Variants in GRID2 observed in about 807,000 individuals in gnomAD.
The protein encoded by GRID2 is glutamate ionotropic receptor delta type subunit 2, also known as glutamate receptor ionotropic, delta-2.
Under a neutral mutation model 114.8 loss-of-function variants are expected in GRID2, and 33 were observed. That is an observed-to-expected ratio of 0.29 (90% confidence interval 0.22 to 0.38). The LOEUF is 0.38. Ranked by LOEUF, GRID2 falls within the 10% of genes least tolerant of loss-of-function variation. The pLI, the probability that GRID2 is intolerant of heterozygous loss-of-function variation, is 1.00. For synonymous variants in GRID2, 505 were observed against 449.9 expected (o/e 1.12, Z -1.55); for missense variants, 1,184 against 1,257.7 (o/e 0.94, Z 0.89).
At chr4:93,313,371 A>G (rs1256178465) in intron 8 of GRID2, among the ~76,000 whole-genome samples, 1 of 152,192 alleles carries the variant, frequency 6.6e-6, no homozygotes, top group Non-Finnish European at 1.5e-5. Flanking sequence ...TTCCCTCTTC[A>G]CAGCAGTCTG....
At chr4:93,744,044 G>A (rs1490206947) in intron 14 of GRID2, among the ~76,000 whole-genome samples, 1 of 152,194 alleles carries the variant, frequency 6.6e-6, no homozygotes, top group East Asian at 1.9e-4. Flanking sequence ...AAGCCTGGGT[G>A]ACAGCACATC....
intron 4 of GRID2, among the ~76,000 whole-genome samples, chr4:93,139,185 AC>A (rs1162051582): frequency 1.3e-5 from 2 of 152,214 alleles, no homozygotes; most frequent in African/African-American, 4.8e-5. Flanking sequence ...CTAGGTTAAC[AC>A]AAAAAGTAAG....
chr4:93,511,557 A>T (rs989151625), intron 12 of GRID2, among the ~76,000 whole-genome samples: 4 of 152,164 alleles, frequency 2.6e-5, no homozygotes, highest in Non-Finnish European at 5.9e-5. Context: ...TCCACCACTT[A>T]GAGCTATAGA....
At chr4:93,401,215 A>ATT (rs111837613) in intron 9 of GRID2, among the ~76,000 whole-genome samples, 2 of 151,690 alleles carry the variant, frequency 1.3e-5, no homozygotes, top group African/African-American at 4.9e-5. Flanking sequence ...ACAATAGAGC[A>ATT]TTTTTTTGCC....
At chr4:93,132,571 G>A (rs1446170486) in intron 4 of GRID2, among the ~76,000 whole-genome samples, 1 of 152,128 alleles carries the variant, frequency 6.6e-6, no homozygotes, top group African/African-American at 2.4e-5. Context: ...GGATGGAATT[G>A]GCTTACCTGA....
chr4:93,253,181 G>A (rs968856224), intron 8 of GRID2, among the ~76,000 whole-genome samples: 3 of 151,806 alleles, frequency 2.0e-5, no homozygotes, highest in Non-Finnish European at 4.4e-5. Flanking sequence ...GCGTGAACCC[G>A]GGAGGTGGAG....
chr4:92,385,766 G>A (rs1173901319), intron 1 of GRID2, among the ~76,000 whole-genome samples: 1 of 151,124 alleles, frequency 6.6e-6, no homozygotes, highest in African/African-American at 2.4e-5. Context: ...ATATACCTTT[G>A]TAGTTCTACT....
At chr4:92,816,318 CAAAAAAAAAAA>C (rs764487348) in intron 2 of GRID2, among the ~76,000 whole-genome samples, 2 of 48,252 alleles carry the variant, frequency 4.1e-5, no homozygotes, top group East Asian at 1.4e-3. Context: ...TCTGTCTCAC[CAAAAAAAAAAA>C]AAAAAAAAAA....
At chr4:92,645,540 A>C (rs1022734774) in intron 2 of GRID2, among the ~76,000 whole-genome samples, 4 of 151,904 alleles carry the variant, frequency 2.6e-5, no homozygotes, top group African/African-American at 9.6e-5. Flanking sequence ...TTAAATATAC[A>C]GTCCCATGAA....
intron 2 of GRID2, among the ~76,000 whole-genome samples, chr4:92,844,505 C>T (rs1373387363): frequency 6.6e-6 from 1 of 152,012 alleles, no homozygotes; most frequent in Admixed American, 6.6e-5. Flanking sequence ...TGCCACTGCA[C>T]TCCAACCTGG....
At chr4:92,912,017 G>A (rs1228255969) in intron 2 of GRID2, among the ~76,000 whole-genome samples, 2 of 151,198 alleles carry the variant, frequency 1.3e-5, no homozygotes, top group African/African-American at 2.4e-5. Flanking sequence ...TTATATTTGG[G>A]GAATGATAAG....
intron 13 of GRID2, among the ~76,000 whole-genome samples, chr4:93,620,249 C>G (rs564800781): frequency 1.3e-5 from 2 of 152,088 alleles, no homozygotes; most frequent in Non-Finnish European, 2.9e-5. Context: ...CCTATCTAAC[C>G]CTTTTGGTTT....
intron 1 of GRID2, among the ~76,000 whole-genome samples, chr4:92,558,976 C>G (rs1726993568): frequency 6.6e-6 from 1 of 152,078 alleles, no homozygotes; most frequent in South Asian, 2.1e-4. Flanking sequence ...GACTGGAAAC[C>G]TATTCCATAT....
At chr4:92,951,337 A>T (rs565947610) in intron 2 of GRID2, among the ~76,000 whole-genome samples, 187 of 140,054 alleles carry the variant, frequency 1.3e-3, no homozygotes, top group African/African-American at 4.6e-3. Flanking sequence ...AAAATTTTTT[A>T]TTTATTTATT....
At chr4:93,211,384 A>G (rs1037843843) in intron 5 of GRID2, among the ~76,000 whole-genome samples, 2 of 152,122 alleles carry the variant, frequency 1.3e-5, no homozygotes, top group African/African-American at 4.8e-5. Flanking sequence ...TCATGTTTTT[A>G]AACTTATTAA....
intron 2 of GRID2, among the ~76,000 whole-genome samples, chr4:92,908,042 A>G (rs1335924926): frequency 6.6e-6 from 1 of 151,882 alleles, no homozygotes; most frequent in East Asian, 2.0e-4. Context: ...CAAAACAAAA[A>G]CTTGATTTTC....
intron 8 of GRID2, among the ~76,000 whole-genome samples, chr4:93,340,563 T>C (rs1759546614): frequency 6.6e-6 from 1 of 152,086 alleles, no homozygotes; most frequent in Non-Finnish European, 1.5e-5. Context: ...TTATTTTCAG[T>C]TTTTGGTTCC....
intron 13 of GRID2, among the ~76,000 whole-genome samples, chr4:93,597,438 C>T (rs997382761): frequency 6.6e-6 from 1 of 152,106 alleles, no homozygotes; most frequent in African/African-American, 2.4e-5. Flanking sequence ...AGAGACTTAC[C>T]AGCTTCTCCT....
chr4:93,295,699 C>T (rs1754228170), intron 8 of GRID2, among the ~76,000 whole-genome samples: 1 of 152,134 alleles, frequency 6.6e-6, no homozygotes, highest in African/African-American at 2.4e-5. Flanking sequence ...CTGATTGAAT[C>T]AGACCCATCC....
Sources: allele counts gnomAD v4.1 joint callset (sites outside exome capture counted in the v4.1 genomes callset), GRCh38; gene constraint gnomAD v4.1.1; transcripts MANE v1.5; gene names NCBI Gene and HGNC (gene_info 2026-07-23, HGNC 2026-07-21).